SORCS1: variants seen among roughly 807,000 people sequenced by gnomAD.
SORCS1 encodes the protein VPS10 domain-containing receptor SorCS1.
A neutral mutation model predicts 146.1 loss-of-function variants in SORCS1; 60 were observed. The ratio of observed to expected loss-of-function variants is 0.41; its 90% confidence interval spans 0.33 to 0.51. The LOEUF is 0.51. Ranked by LOEUF, SORCS1 falls within the 20% of genes least tolerant of loss-of-function variation. The pLI is 0.21. For synonymous variants in SORCS1, 637 were observed against 584.0 expected (o/e 1.09, Z -1.31); for missense variants, 1,352 against 1,487.6 (o/e 0.91, Z 1.50).
At chr10:106,822,696 A>G (rs916565771) in intron 3 of SORCS1, among the ~76,000 whole-genome samples, 4 of 151,920 alleles carry the variant, frequency 2.6e-5, no homozygotes, top group East Asian at 1.9e-4. Flanking sequence ...GGTTAAGTGT[A>G]GGGAAGTAAG....
intron 2 of SORCS1, among the ~76,000 whole-genome samples, chr10:106,916,944 T>C (rs146047141): frequency 0.044 from 6,714 of 152,226 alleles, 455 homozygotes; most frequent in African/African-American, 0.14. Flanking sequence ...GGTTTCACCA[T>C]GTTGGCCAGG....
intron 18 of SORCS1, among the ~76,000 whole-genome samples, chr10:106,635,085 C>A (rs1426980517): frequency 6.6e-6 from 1 of 152,152 alleles, no homozygotes; most frequent in Non-Finnish European, 1.5e-5. Flanking sequence ...ACAAATTTAT[C>A]AAATGGCCAC....
chr10:106,630,860 A>T (rs1420715961), intron 18 of SORCS1, among the ~76,000 whole-genome samples: 2 of 152,014 alleles, frequency 1.3e-5, no homozygotes, highest in Non-Finnish European at 2.9e-5. Flanking sequence ...AAAAAAAAAA[A>T]GAAATGGCCT....
Position 107,164,693 on chromosome 10 carries a change from C to T in SORCS1, c.-167G>A, listed in dbSNP as rs1969983013. On this transcript the variant is annotated 5_prime_UTR_variant, in exon 1 of 26. Coordinates refer to ENST00000263054, the MANE Select transcript of SORCS1 (RefSeq NM_052918.5). This position sits in a 1 kb window ranked among gnomAD's most constrained non-coding sequence, Gnocchi z 6.8. ...GCCGGGCAGGTGGCGGCCGCTTGCC[C>T]GGGCTGGGCTTGTGCCGAGCGCGGG... 1.3e-5 allele frequency among the ~76,000 whole-genome samples: 2 copies of T among 150,016 alleles called. No individual in the cohort carries two copies. Among genetic ancestry groups the T allele is most frequent in the African/African-American group, 4.9e-5 (2 of 40,958 alleles).
chr10:106,678,871 G>A (rs1462324634), intron 12 of SORCS1, among the ~76,000 whole-genome samples: 1 of 152,114 alleles, frequency 6.6e-6, no homozygotes, highest in Non-Finnish European at 1.5e-5. Context: ...AAGGCAAGGG[G>A]AATTTATGGA....
chr10:106,696,141 G>GCGAA (rs1853684928), intron 9 of SORCS1, among the ~76,000 whole-genome samples: 1 of 151,680 alleles, frequency 6.6e-6, no homozygotes, highest in Non-Finnish European at 1.5e-5. Context: ...GCATGAAGAA[G>GCGAA]CAAACAAAGA....
chr10:106,725,198 A>G (rs1009659253), intron 6 of SORCS1, among the ~76,000 whole-genome samples: 1 of 152,170 alleles, frequency 6.6e-6, no homozygotes, highest in African/African-American at 2.4e-5. Context: ...TATATTTGGC[A>G]TATACTCTAC....
At chr10:106,852,797 T>A (rs1240093013) in intron 2 of SORCS1, among the ~76,000 whole-genome samples, 2 of 152,196 alleles carry the variant, frequency 1.3e-5, no homozygotes, top group Admixed American at 1.3e-4. Context: ...ATTAATTGAT[T>A]TTTGAATATT....
chr10:107,177,957 A>G, the SORCS1 span, among the ~76,000 whole-genome samples: 1 of 152,166 alleles, frequency 6.6e-6, no homozygotes, highest in Non-Finnish European at 1.5e-5. Flanking sequence ...TGATGAGAAC[A>G]CATGGACACA....
intron 1 of SORCS1, among the ~76,000 whole-genome samples, chr10:107,067,486 C>T (rs780574814): frequency 1.3e-5 from 2 of 152,010 alleles, no homozygotes; most frequent in Non-Finnish European, 2.9e-5. Context: ...TCCAAAACAT[C>T]CCGGTGTAAT....
At chr10:106,690,148 T>G (rs2135659158) in intron 9 of SORCS1, among the ~76,000 whole-genome samples, 1 of 152,298 alleles carries the variant, frequency 6.6e-6, no homozygotes, top group Admixed American at 6.5e-5. Context: ...AAATAATATT[T>G]AGTAATTTAC....
chr10:106,931,973 A>AT (rs1176729752), intron 2 of SORCS1, among the ~76,000 whole-genome samples: 1 of 152,148 alleles, frequency 6.6e-6, no homozygotes, highest in Non-Finnish European at 1.5e-5. Flanking sequence ...ACAAAAGCCA[A>AT]TTTTTCCATA....
chr10:106,807,258 A>G (rs1947235696), intron 3 of SORCS1, among the ~76,000 whole-genome samples: 1 of 152,220 alleles, frequency 6.6e-6, no homozygotes, highest in South Asian at 2.1e-4. Context: ...CTGCAGATAA[A>G]GAACTTTCTC....
chr10:106,670,594 T>C (rs1851513800), intron 16 of SORCS1, among the ~76,000 whole-genome samples: 1 of 152,184 alleles, frequency 6.6e-6, no homozygotes, highest in South Asian at 2.1e-4. Context: ...TCCTAGATTC[T>C]AGAAAGCTTT....
At chr10:106,777,110 A>T (rs533402494) in intron 3 of SORCS1, among the ~76,000 whole-genome samples, 7 of 152,264 alleles carry the variant, frequency 4.6e-5, no homozygotes, top group Admixed American at 4.6e-4. Context: ...AAGAGGATGG[A>T]GTCCATTGTT....
At chr10:106,715,955 G>A (rs1466485096) in intron 6 of SORCS1, among the ~76,000 whole-genome samples, 1 of 152,062 alleles carries the variant, frequency 6.6e-6, no homozygotes, top group Non-Finnish European at 1.5e-5. Context: ...GTTTCACCAT[G>A]TCGGTCAGGC....
intron 17 of SORCS1, among the ~76,000 whole-genome samples, chr10:106,657,984 T>C (rs550913546): frequency 1.3e-5 from 2 of 152,240 alleles, no homozygotes; most frequent in South Asian, 4.1e-4. Context: ...AAAAAGTATT[T>C]AAGTATCAAA....
At chr10:106,642,621 A>G (rs1392872221) in intron 18 of SORCS1, among the ~76,000 whole-genome samples, 1 of 152,214 alleles carries the variant, frequency 6.6e-6, no homozygotes, top group Non-Finnish European at 1.5e-5. Context: ...GGATTTAATT[A>G]AAAAATATTA....
At chr10:106,785,321 C>A (rs1946005839) in intron 3 of SORCS1, among the ~76,000 whole-genome samples, 1 of 152,162 alleles carries the variant, frequency 6.6e-6, no homozygotes, top group African/African-American at 2.4e-5. Context: ...TTTGTCTTTC[C>A]CAAAATTCAT....
Sources: allele counts gnomAD v4.1 joint callset (sites outside exome capture counted in the v4.1 genomes callset), GRCh38; gene constraint gnomAD v4.1.1; non-coding constraint Gnocchi (gnomAD v3.1); transcripts MANE v1.5; gene names NCBI Gene and HGNC (gene_info 2026-07-23, HGNC 2026-07-21).